COLEC12: variants seen among roughly 807,000 people sequenced by gnomAD.
COLEC12 encodes collectin-12.
COLEC12 carries 33 observed loss-of-function variants against 71.1 expected under a neutral mutation model. The ratio of observed to expected loss-of-function variants is 0.46; its 90% CI spans 0.35 to 0.62. The LOEUF is 0.62. Ranked by LOEUF, COLEC12 falls within the 20% of genes least tolerant of loss-of-function variation. COLEC12 has a pLI of 0.00. For missense variants in COLEC12, 765 were observed against 916.1 expected, an observed-to-expected ratio of 0.84 and a Z score of 2.13; for synonymous variants, 350 against 353.0, an observed-to-expected ratio of 0.99 and a Z score of 0.10.
intron 2 of COLEC12, among the ~76,000 whole-genome samples, chr18:370,912 C>A (rs148254098): frequency 6.6e-6 from 1 of 152,302 alleles, no homozygotes; most frequent in East Asian, 1.9e-4. Flanking sequence ...GCTCATTCAT[C>A]ACCTTCCCAT....
intron 1 of COLEC12, among the ~76,000 whole-genome samples, chr18:498,674 T>A (rs1917759916): frequency 6.6e-6 from 1 of 152,092 alleles, no homozygotes; most frequent in South Asian, 2.1e-4. Context: ...AATATTTTCG[T>A]TTTTAAAAGA....
intron 8 of COLEC12, among the ~76,000 whole-genome samples, chr18:330,329 C>T (rs1431656025): frequency 1.3e-5 from 2 of 152,106 alleles, no homozygotes; most frequent in African/African-American, 4.8e-5. Flanking sequence ...GCCTGAAACA[C>T]CCTTGTTTTC....
At chr18:381,729 A>G (rs553326813) in intron 2 of COLEC12, among the ~76,000 whole-genome samples, 1 of 152,346 alleles carries the variant, frequency 6.6e-6, no homozygotes, top group Non-Finnish European at 1.5e-5. Flanking sequence ...GAAACTTTTA[A>G]TGTCCATCCA....
At chr18:320,133 A>C (rs1297051845) in intron 9 of COLEC12, 69 bp from the exon 10 acceptor site, 9 of 876,876 alleles carry the variant, frequency 1.0e-5, no homozygotes, top group Non-Finnish European at 1.7e-5. Context: ...AATTCAAAAA[A>C]AGGGAACGTG....
At chr18:357,298 G>T in intron 3 of COLEC12, 102 bp downstream of exon 3, 2 of 1,116,934 alleles carry the variant, frequency 1.8e-6, no homozygotes, top group Non-Finnish European at 1.3e-6. Context: ...CATCTGAGTT[G>T]TATGAATGAA....
chr18:373,427 G>A lies in COLEC12; in HGVS notation c.59-15905C>T, dbSNP rs572185335. Among the ~76,000 whole-genome samples the A allele has an allele frequency of 3.3e-5, 5 of 152,262 alleles. No homozygotes were observed. In the South Asian group the frequency reaches 1.0e-3, roughly 32 times the overall value. ...TGTGGACACATGGAAACGGATTCGG[G>A]CAGGACCAGAACTATTTCCTTAGCC... On this transcript the variant is annotated intron_variant, in intron 2 of 9. Transcript: ENST00000400256.
chr18:474,720 G>T (rs972332082), intron 2 of COLEC12, among the ~76,000 whole-genome samples: 3 of 152,184 alleles, frequency 2.0e-5, no homozygotes, highest in Non-Finnish European at 4.4e-5. Flanking sequence ...TTCCAGCTCT[G>T]TCAGCCTGAG....
At chr18:368,159 T>C (rs1261018212) in intron 2 of COLEC12, among the ~76,000 whole-genome samples, 1 of 152,252 alleles carries the variant, frequency 6.6e-6, no homozygotes, top group Non-Finnish European at 1.5e-5. Flanking sequence ...GAAATGACAG[T>C]TAAATTTAGA....
intron 2 of COLEC12, among the ~76,000 whole-genome samples, chr18:458,935 A>C (rs1256926226): frequency 6.6e-6 from 1 of 152,224 alleles, no homozygotes; most frequent in Non-Finnish European, 1.5e-5. Flanking sequence ...CCCAGGCTCA[A>C]GTGATCTTCC....
chr18:413,778 C>T (rs1915936988), intron 2 of COLEC12, among the ~76,000 whole-genome samples: 1 of 152,204 alleles, frequency 6.6e-6, no homozygotes, highest in African/African-American at 2.4e-5. Context: ...AACTATGATA[C>T]AGTACATATA....
rs1249276459 is a variant in COLEC12, at chr18:408,318, CTT to C, written c.59-50798_59-50797del. ...CCCTGATACCTGCAAATGTCAGTCT[CTT>C]TTTCCTAACTCAGCAGGTATCAGAT... On this transcript the variant is annotated intron_variant, in intron 2 of 9. Transcript: ENST00000400256. The surrounding 1 kb of genome is among the most constrained non-coding windows in gnomAD (Gnocchi z 4.3). 6.6e-6 allele frequency among the ~76,000 whole-genome samples: 1 copy of C among 152,182 alleles called. No homozygotes were observed. Among genetic ancestry groups the C allele is most frequent in the Non-Finnish European group, 1.5e-5 (1 of 68,034 alleles).
intron 1 of COLEC12, among the ~76,000 whole-genome samples, chr18:489,238 C>T (rs1301870945): frequency 6.6e-6 from 1 of 152,222 alleles, no homozygotes; most frequent in Non-Finnish European, 1.5e-5. Flanking sequence ...TACAGCAGTG[C>T]TTTCGAAATT....
intron 2 of COLEC12, among the ~76,000 whole-genome samples, chr18:363,919 G>C (rs1353381206): frequency 6.6e-6 from 1 of 152,100 alleles, no homozygotes; most frequent in Non-Finnish European, 1.5e-5. Flanking sequence ...CCATGAAAAC[G>C]GAAGCAGGAC....
intron 2 of COLEC12, among the ~76,000 whole-genome samples, chr18:369,401 TTTTTTATTTTTATTTTTA>T (rs1314793209): frequency 1.5e-5 from 2 of 132,458 alleles, no homozygotes; most frequent in African/African-American, 6.1e-5. Flanking sequence ...TTTTTTATTT[TTTTTTATTTTTATTTTTA>T]TTTTTATTTT....
intron 2 of COLEC12, among the ~76,000 whole-genome samples, chr18:363,818 A>T (rs543497719): frequency 4.7e-4 from 71 of 152,214 alleles, no homozygotes; most frequent in African/African-American, 1.2e-3. Flanking sequence ...AGTAAAAAAA[A>T]TTTTTTTTAT....
chr18:352,558 GA>G (rs1914546808), intron 3 of COLEC12, among the ~76,000 whole-genome samples: 1 of 152,126 alleles, frequency 6.6e-6, no homozygotes, highest in Non-Finnish European at 1.5e-5. Context: ...GCAGCAAAAG[GA>G]AACTATTTTC....
At chr18:493,480 T>A (rs1319713178) in intron 1 of COLEC12, among the ~76,000 whole-genome samples, 4 of 152,226 alleles carry the variant, frequency 2.6e-5, no homozygotes, top group African/African-American at 7.2e-5. Flanking sequence ...ATAATTCAAA[T>A]CTCTCCTGCA....
rs1240857836 is a variant in COLEC12, at chr18:347,127, G to A, written c.495C>T (p.Thr165=). ...ETLENNSFLI[T]TVNKTLQAYN... ...ACGCCTGGAGGGTTTTGTTTACAGT[G>A]GTGATGAGGAAAGAGTTATTCTCCA... The change falls in exon 5 of 10, where the codon ACC becomes ACT. Residue 165 remains threonine (T), a synonymous_variant. Coordinates refer to ENST00000400256, the MANE Select transcript of COLEC12 (RefSeq NM_130386.3). 6.2e-6 allele frequency: 10 copies of A among 1,614,192 alleles called. No individual in the cohort carries two copies. Among genetic ancestry groups the A allele is most frequent in the Non-Finnish European group, 8.5e-6 (10 of 1,180,032 alleles).
At chr18:404,412 T>C (rs1418618782) in intron 2 of COLEC12, among the ~76,000 whole-genome samples, 3 of 152,214 alleles carry the variant, frequency 2.0e-5, no homozygotes, top group Non-Finnish European at 2.9e-5. Context: ...TATGGGGAAC[T>C]AGCTTATGAT....
Sources: allele counts gnomAD v4.1 joint callset (sites outside exome capture counted in the v4.1 genomes callset), GRCh38; gene constraint gnomAD v4.1.1; non-coding constraint Gnocchi (gnomAD v3.1); transcripts MANE v1.5; gene names NCBI Gene and HGNC (gene_info 2026-07-23, HGNC 2026-07-21).